CLEC7A: variants seen among roughly 807,000 people sequenced by gnomAD.
CLEC7A encodes C-type lectin domain containing 7A.
A neutral mutation model predicts 26.9 loss-of-function variants in CLEC7A; 25 were observed. The ratio of observed to expected loss-of-function variants is 0.93; its 90% CI spans 0.68 to 1.30. CLEC7A has a LOEUF of 1.30. Among genes scored for constraint, CLEC7A ranks in the 50% most tolerant of loss-of-function variants. The pLI is 0.00. For synonymous variants in CLEC7A, 100 were observed against 99.5 expected (o/e 1.01, Z -0.03); for missense variants, 275 against 286.7 (o/e 0.96, Z 0.29).
At chr12:10,119,994 G>C (rs7309123) in intron 5 of CLEC7A, among the ~76,000 whole-genome samples, 64,530 of 151,944 alleles carry the variant, frequency 0.42, 16,680 homozygotes, top group Middle Eastern at 0.71. Flanking sequence ...TAATAGATTT[G>C]AGAAAGAACT....
intron 5 of CLEC7A, 40 bp downstream of exon 5, chr12:10,123,205 C>A (rs1006907523): frequency 3.0e-6 from 4 of 1,330,934 alleles, no homozygotes; most frequent in Non-Finnish European, 4.3e-6. Flanking sequence ...GGAAACCTCT[C>A]TGAGAAAAAG....
At chr12:10,125,991 A>T (rs1297421183) in intron 3 of CLEC7A, 2 of 173,114 alleles carry the variant, frequency 1.2e-5, no homozygotes, top group African/African-American at 4.8e-5. Context: ...GTCATAGTCA[A>T]TTATGATGCA....
chr12:10,124,947 C>A, intron 4 of CLEC7A: 1 of 224,950 alleles, frequency 4.4e-6, no homozygotes, highest in East Asian at 1.1e-4. Context: ...ACCTGTAATC[C>A]CAACACTGGG....
chr12:10,128,744 G>A (rs926094679), intron 1 of CLEC7A, among the ~76,000 whole-genome samples: 1 of 152,124 alleles, frequency 6.6e-6, no homozygotes, highest in Non-Finnish European at 1.5e-5. Flanking sequence ...CTACACATAT[G>A]CATAAACATG....
chr12:10,127,776 A>C lies in CLEC7A; in HGVS notation c.173T>G (p.Leu58Arg). The C allele has an allele frequency of 6.3e-7, 1 of 1,590,624 alleles. No homozygotes were observed. Among genetic ancestry groups the C allele is most frequent in the African/African-American group, 1.3e-5 (1 of 74,686 alleles). The change falls in exon 2 of 6, where the codon CTG becomes CGG. Residue 58 changes from leucine to arginine, a missense_variant. By Grantham distance (102) the Leu-to-Arg change is moderately radical. Transcript: ENST00000304084. ...VILGILCLVI[L>R]VIAVVLGTMA... Reference sequence around the variant, plus strand: ...GGTACCCAGGACCACAGCTATCACCAGTATTACCAAGCATAGGATTCCCAA... The same window carrying C: ...GGTACCCAGGACCACAGCTATCACCCGTATTACCAAGCATAGGATTCCCAA...
At chr12:10,122,484 C>T (rs200360532) in intron 5 of CLEC7A, among the ~76,000 whole-genome samples, 33 of 128,778 alleles carry the variant, frequency 2.6e-4, no homozygotes, top group African/African-American at 4.1e-4. Flanking sequence ...TTCTTTTTTT[C>T]TTTTTTTTTT....
At chr12:10,123,410 GAGAA>G (rs1361930192) in intron 4 of CLEC7A, 47 bp from the exon 5 acceptor site, 2 of 1,085,606 alleles carry the variant, frequency 1.8e-6, no homozygotes, top group Non-Finnish European at 2.8e-6. Flanking sequence ...GAGAGAGAGA[GAGAA>G]AGAAACTATT....
At chr12:10,118,832 A>G (rs1947989551) in intron 5 of CLEC7A, among the ~76,000 whole-genome samples, 1 of 151,822 alleles carries the variant, frequency 6.6e-6, no homozygotes, top group East Asian at 1.9e-4. Context: ...GCATAAACTA[A>G]AAAAAAAGTT....
rs774768986 is a variant in CLEC7A at position 10,117,131 on chromosome 12, T to TA, written c.*1326dup. The stretch of plus-strand genomic sequence containing the variant: ...TAATACTTGTTCCAATGAGGTTGGT[T>TA]ACTTTTTTATATTCATCATCAGATT... On this transcript the variant is annotated 3_prime_UTR_variant, in exon 6 of 6. Transcript: ENST00000304084. 6.6e-6 allele frequency: 1 copy of TA among 152,250 alleles called. No homozygotes were observed. Among genetic ancestry groups the TA allele is most frequent in the Non-Finnish European group, 1.5e-5 (1 of 68,042 alleles). 9.4% of individuals were successfully genotyped at this position (152,250 alleles called of 1,614,324 possible).
At position 10,123,275 on chromosome 12, in the gene CLEC7A, C is replaced by T. The variant is rs1171338017; in HGVS notation, c.581G>A (p.Trp194Ter). The change falls in exon 5 of 6, where the codon TGG becomes TAG. Residue 194 changes from tryptophan (W) to a stop codon, truncating the protein, a stop_gained. Transcript: ENST00000304084. LOFTEE classifies it low-confidence loss of function (END_TRUNC). ...AGAAGAGAATGTTGATCCATCCTCC[C>T]AGAGCCATGGTACCTCAGTCTGGGG... The part of the protein sequence containing the change: ...SRPQTEVPWL[W>*]EDGSTFSSNL... 6.2e-7 allele frequency: 1 copy of T among 1,611,894 alleles called. No homozygotes were observed. Among genetic ancestry groups the T allele is most frequent in the Non-Finnish European group, 8.5e-7 (1 of 1,177,952 alleles).
At chr12:10,123,037 G>T (rs1948145541) in intron 5 of CLEC7A, among the ~76,000 whole-genome samples, 1 of 152,024 alleles carries the variant, frequency 6.6e-6, no homozygotes, top group Non-Finnish European at 1.5e-5. Flanking sequence ...GATGCTACTA[G>T]ATGGCCTCAC....
Position 10,123,247 on chromosome 12 carries a change from G to A in CLEC7A, c.609C>T (p.Asn203=). Residue 203 remains asparagine (N), a splice_region_variant and synonymous_variant, in exon 5 of 6, where the codon AAC becomes AAT. Transcript: ENST00000304084. ...GCATTGTCTCTCCAAACACTTACAA[G>A]TTAGAAGAGAATGTTGATCCATCCT... ...LWEDGSTFSS[N]LFQIRTTATQ... is the part of the protein sequence containing the mutation. 5 of 1,580,582 alleles carry A rather than the reference G, an allele frequency of 3.2e-6. No homozygotes were observed. The highest frequency in any genetic ancestry group is 4.3e-6 in the Non-Finnish European group (5 of 1,149,514).
In CLEC7A at chr12:10,130,107, T is replaced by C. The variant is rs767236145; in HGVS notation, c.-25A>G. The C allele has an allele frequency of 4.3e-6, 5 of 1,175,644 alleles. No homozygotes were observed. In the African/African-American group the frequency reaches 7.6e-5, roughly 18 times the overall value. The allele number at this position is 1,175,644 out of a possible 1,614,324, so 72.8% of individuals were successfully genotyped here. Reference sequence around the variant, plus strand: ...TTGTTCTTGAGAGCCCCTGAATAGATATAGCATTTGGGAGCTCTTTTCTTT... The same window carrying C: ...TTGTTCTTGAGAGCCCCTGAATAGACATAGCATTTGGGAGCTCTTTTCTTT... On this transcript the variant is annotated 5_prime_UTR_variant, in exon 1 of 6. In the 5' UTR this introduces an upstream ATG that the reference lacks. Coordinates refer to ENST00000304084, the MANE Select transcript of CLEC7A (RefSeq NM_197947.3).
chr12:10,127,819 G>A lies in CLEC7A; in HGVS notation c.130C>T (p.Arg44Cys), dbSNP rs200838121. 2.4e-5 allele frequency: 37 copies of A among 1,568,770 alleles called. No individual in the cohort carries two copies. The Middle Eastern group carries it at 5.0e-4, about 21-fold the overall frequency. Residue 44 changes from arginine (R) to cysteine (C), a missense_variant, in exon 2 of 6, where the codon CGC becomes TGC. By Grantham distance (180) the Arg-to-Cys change is radical (BLOSUM62 -3). Transcript: ENST00000304084. Reference sequence around the variant, plus strand: ...ATTCCCAAAATTACAGCAATGAGGCGCCAAGGAGGAGATGCAGCACACGAT... The same window carrying A: ...ATTCCCAAAATTACAGCAATGAGGCACCAAGGAGGAGATGCAGCACACGAT... ...KGSCAASPPW[R>C]LIAVILGILC...
chr12:10,130,006 G>A lies in CLEC7A; in HGVS notation c.77C>T (p.Thr26Ile). ...TQLHFDSQSNTRIAVVSEKGS... is the reference protein window; with the variant it reads ...TQLHFDSQSNIRIAVVSEKGS... Reference sequence around the variant, plus strand: ...TTTCTCTGAAACAACAGCTATCCTGGTATTGCTTTGAGAGTCGAAGTGTAA... The same window carrying A: ...TTTCTCTGAAACAACAGCTATCCTGATATTGCTTTGAGAGTCGAAGTGTAA... Residue 26 changes from threonine (T) to isoleucine (I), a missense_variant, in exon 1 of 6, where the codon ACC becomes ATC. Coordinates refer to ENST00000304084, the MANE Select transcript of CLEC7A (RefSeq NM_197947.3). 1 of 1,606,786 alleles carries A rather than the reference G, an allele frequency of 6.2e-7. No individual in the cohort carries two copies. The highest frequency in any genetic ancestry group is 8.5e-7 in the Non-Finnish European group (1 of 1,173,436).
At chr12:10,123,413 A>G (rs1948163818) in intron 4 of CLEC7A, 50 bp from the exon 5 acceptor site, 1 of 1,111,390 alleles carries the variant, frequency 9.0e-7, no homozygotes, top group Non-Finnish European at 1.4e-6. Context: ...AGAGAGAGAG[A>G]AAGAAACTAT....
At chr12:10,121,494 A>G (rs771827223) in intron 5 of CLEC7A, among the ~76,000 whole-genome samples, 2 of 152,220 alleles carry the variant, frequency 1.3e-5, no homozygotes, top group Non-Finnish European at 2.9e-5. Flanking sequence ...TCACAGAACT[A>G]CAAGCACGTG....
At chr12:10,127,504 C>T in intron 2 of CLEC7A, 1 of 1,502,792 alleles carries the variant, frequency 6.7e-7, no homozygotes, top group Non-Finnish European at 9.3e-7. Flanking sequence ...ACAGATCACC[C>T]AAATTTCTAA....
rs1948153935 is a variant in CLEC7A, at chr12:10,123,249, T to C, written c.607A>G (p.Asn203Asp). The change falls in exon 5 of 6, where the codon AAC (asparagine) becomes GAC (aspartate). Residue 203 changes from asparagine (N) to aspartate (D), a missense_variant. Asn to Asp is a conservative substitution (Grantham distance 23, BLOSUM62 1). Coordinates refer to ENST00000304084, the MANE Select transcript of CLEC7A (RefSeq NM_197947.3). ...LWEDGSTFSS[N>D]LFQIRTTATQ... is the part of the protein sequence containing the mutation. ...ATTGTCTCTCCAAACACTTACAAGT[T>C]AGAAGAGAATGTTGATCCATCCTCC... is the stretch of plus-strand genomic sequence containing the variant. 1.9e-6 allele frequency: 3 copies of C among 1,585,062 alleles called. No individual in the cohort carries two copies. Among genetic ancestry groups the C allele is most frequent in the Non-Finnish European group, 2.6e-6 (3 of 1,153,554 alleles).
Sources: gnomAD v4.1 joint callset for allele counts (sites outside exome capture counted in the v4.1 genomes callset) on GRCh38, gnomAD v4.1.1 for gene constraint, MANE v1.5 for transcripts, NCBI Gene and HGNC (gene_info 2026-07-23, HGNC 2026-07-21) for gene names.